PTPN4: variants seen among roughly 807,000 people sequenced by gnomAD.
PTPN4 encodes protein tyrosine phosphatase non-receptor type 4, also known as tyrosine-protein phosphatase non-receptor type 4.
PTPN4 carries 49 observed loss-of-function variants against 135.5 expected under a neutral mutation model. The ratio of observed to expected loss-of-function variants is 0.36; its 90% CI spans 0.29 to 0.46. PTPN4 has a LOEUF of 0.46. Ranked by LOEUF, PTPN4 falls within the 20% of genes least tolerant of loss-of-function variation. The probability of loss-of-function intolerance (pLI) is 1.00; values close to 1 mark genes in which losing one functional copy is unlikely to be tolerated. For missense variants in PTPN4, 860 were observed against 1,101.0 expected (o/e 0.78, Z 3.10); for synonymous variants, 333 against 369.9 (o/e 0.90, Z 1.14).
At chr2:119,922,582 A>G (rs1014139292) in intron 12 of PTPN4, among the ~76,000 whole-genome samples, 3 of 152,252 alleles carry the variant, frequency 2.0e-5, no homozygotes, top group South Asian at 4.1e-4. Flanking sequence ...TCACTTTGCT[A>G]AATTTTGTTT....
chr2:119,847,275 TAC>T (rs775485671), intron 2 of PTPN4, among the ~76,000 whole-genome samples: 6,008 of 107,238 alleles, frequency 0.056, 225 homozygotes, highest in Middle Eastern at 0.12. Context: ...ATACTCTATA[TAC>T]ACACACACAC....
chr2:119,829,210 T>G (rs979275181), intron 2 of PTPN4, among the ~76,000 whole-genome samples: 1 of 151,994 alleles, frequency 6.6e-6, no homozygotes. Flanking sequence ...ACTTTGTGTG[T>G]TTTTTTTGAA....
At chr2:119,790,567 T>G (rs1359626938) in intron 1 of PTPN4, among the ~76,000 whole-genome samples, 1 of 152,010 alleles carries the variant, frequency 6.6e-6, no homozygotes, top group African/African-American at 2.4e-5. Context: ...TTATATTGTT[T>G]ATGTTTTAGA....
chr2:119,949,729 G>A lies in PTPN4; in HGVS notation c.1657-2244G>A, dbSNP rs1179653714. Among the ~76,000 whole-genome samples, 12 of 152,214 alleles carry A rather than the reference G, an allele frequency of 7.9e-5. No homozygotes were observed. In the East Asian group the frequency reaches 2.1e-3, roughly 27 times the overall value. On this transcript the variant is annotated intron_variant, in intron 18 of 26. Coordinates refer to ENST00000263708, the MANE Select transcript of PTPN4 (RefSeq NM_002830.4). ...ATGGTGGCACACGCCTGTGATGCCA[G>A]CTACTCCAGTGGCTGAAGTGGGAGG...
chr2:119,932,339 C>A, intron 13 of PTPN4, 85 bp from the exon 14 acceptor site: 2 of 1,321,494 alleles, frequency 1.5e-6, no homozygotes, highest in South Asian at 1.6e-5. Flanking sequence ...AGAACATAAT[C>A]TCTGAAAACA....
chr2:119,884,968 T>C lies in PTPN4; in HGVS notation c.588-827T>C, dbSNP rs10172577. On this transcript the variant is annotated intron_variant, in intron 8 of 26. Transcript: ENST00000263708. Reference sequence around the variant, plus strand: ...GATAACTAAGGTTGTAAAAACTATATGTGAAATAGGAGTAAATCTATTTTT... The same window carrying C: ...GATAACTAAGGTTGTAAAAACTATACGTGAAATAGGAGTAAATCTATTTTT... 9.4e-3 allele frequency among the ~76,000 whole-genome samples: 1,429 copies of C among 152,302 alleles called. 17 individuals are homozygous for C. Among genetic ancestry groups the C allele is most frequent in the African/African-American group, 0.033 (1,374 of 41,552 alleles).
At chr2:119,773,407 C>T (rs1395548199) in intron 1 of PTPN4, among the ~76,000 whole-genome samples, 2 of 151,868 alleles carry the variant, frequency 1.3e-5, no homozygotes, top group Non-Finnish European at 2.9e-5. Context: ...CACAGATGAA[C>T]TATATAGCCT....
chr2:119,896,990 G>T (rs2968771), intron 9 of PTPN4, among the ~76,000 whole-genome samples: 1 of 152,022 alleles, frequency 6.6e-6, no homozygotes, highest in African/African-American at 2.4e-5. Flanking sequence ...GTGCAGTCTC[G>T]GCTCACTGCA....
intron 2 of PTPN4, among the ~76,000 whole-genome samples, chr2:119,843,621 T>C (rs1205029156): frequency 1.1e-5 from 1 of 89,412 alleles, no homozygotes; most frequent in East Asian, 2.8e-4. Flanking sequence ...GCAGGGGGGC[T>C]GACCCCCCCC....
chr2:119,875,392 A>G (rs1402273989), intron 3 of PTPN4, among the ~76,000 whole-genome samples: 1 of 152,186 alleles, frequency 6.6e-6, no homozygotes, highest in Non-Finnish European at 1.5e-5. Flanking sequence ...CTTTTACCAG[A>G]ATATTTTGAA....
intron 1 of PTPN4, among the ~76,000 whole-genome samples, chr2:119,790,862 G>T (rs911899389): frequency 6.6e-6 from 1 of 151,752 alleles, no homozygotes; most frequent in African/African-American, 2.4e-5. Flanking sequence ...TTTTCTTTGT[G>T]ATTGCCCAGG....
chr2:119,814,869 C>T (rs1676963672), intron 2 of PTPN4, among the ~76,000 whole-genome samples: 1 of 152,018 alleles, frequency 6.6e-6, no homozygotes, highest in African/African-American at 2.4e-5. Context: ...ATTTTGTCAG[C>T]TTTTATAGTA....
At chr2:119,897,584 A>C (rs1678343676) in intron 9 of PTPN4, among the ~76,000 whole-genome samples, 2 of 152,360 alleles carry the variant, frequency 1.3e-5, no homozygotes, top group African/African-American at 4.8e-5. Context: ...GATAGTACTT[A>C]TAATTACCAT....
At chr2:119,772,599 A>G (rs1422001588) in intron 1 of PTPN4, among the ~76,000 whole-genome samples, 1 of 152,272 alleles carries the variant, frequency 6.6e-6, no homozygotes, top group African/African-American at 2.4e-5. Context: ...GTGCAGTGCC[A>G]TGATTTTGGC....
chr2:119,911,151 A>C (rs954102660), intron 10 of PTPN4, among the ~76,000 whole-genome samples: 2 of 151,528 alleles, frequency 1.3e-5, no homozygotes, highest in Non-Finnish European at 2.9e-5. Flanking sequence ...AAGAAGGAAC[A>C]TGGTTTATGT....
chr2:119,847,769 A>C (rs1677527458), intron 2 of PTPN4, among the ~76,000 whole-genome samples: 1 of 152,198 alleles, frequency 6.6e-6, no homozygotes, highest in Non-Finnish European at 1.5e-5. Context: ...ATCTGCTGGC[A>C]ACAAATACTC....
chr2:119,973,644 CTTCA>C (rs1352227083), intron 26 of PTPN4, among the ~76,000 whole-genome samples: 2 of 94,418 alleles, frequency 2.1e-5, no homozygotes, highest in Admixed American at 2.2e-4. Context: ...AAGCTTCCTC[CTTCA>C]TTTCTTGTTT....
intron 2 of PTPN4, among the ~76,000 whole-genome samples, chr2:119,847,573 G>A (rs577276791): frequency 6.6e-5 from 10 of 151,978 alleles, no homozygotes; most frequent in African/African-American, 1.9e-4. Flanking sequence ...GTGATCCGCC[G>A]CCTCGGCCTC....
At chr2:119,960,744 C>T in intron 22 of PTPN4, 63 bp from the exon 23 acceptor site, 6 of 1,524,552 alleles carry the variant, frequency 3.9e-6, no homozygotes, top group Non-Finnish European at 5.3e-6. Context: ...GATGATTTTC[C>T]TATTCCTGAT....
Sources: allele counts gnomAD v4.1 joint callset (sites outside exome capture counted in the v4.1 genomes callset), GRCh38; gene constraint gnomAD v4.1.1; transcripts MANE v1.5; gene names NCBI Gene and HGNC (gene_info 2026-07-23, HGNC 2026-07-21).